B3GNT5: variants seen among roughly 807,000 people sequenced by gnomAD.
B3GNT5 encodes the protein UDP-GlcNAc:betaGal beta-1,3-N-acetylglucosaminyltransferase 5, also known as lactosylceramide 1,3-N-acetyl-beta-D-glucosaminyltransferase.
B3GNT5 carries 11 observed loss-of-function variants against 25.9 expected under a neutral mutation model. That is an observed-to-expected ratio of 0.42 (90% CI 0.27 to 0.70). The LOEUF (loss-of-function observed/expected upper bound fraction) is 0.70, where lower values mean the gene tolerates loss of function less well. B3GNT5 is among the 30% of genes least tolerant of loss of function. The pLI is 0.23. For synonymous variants in B3GNT5, 166 were observed against 158.6 expected (o/e 1.05, Z -0.35); for missense variants, 385 against 458.4 (o/e 0.84, Z 1.46).
chr3:183,260,980 C>G (rs556445620), intron 1 of B3GNT5, among the ~76,000 whole-genome samples: 1 of 152,310 alleles, frequency 6.6e-6, no homozygotes, highest in African/African-American at 2.4e-5. Flanking sequence ...CACTTGAAGA[C>G]AGCCATTAGG....
rs1726726260 is a variant in B3GNT5 at position 183,271,013 on chromosome 3, C to T, written c.*78C>T. On this transcript the variant is annotated 3_prime_UTR_variant, in exon 2 of 2. Transcript: ENST00000326505. ...AAAAACCTTTAAATGTTCGTCTATA[C>T]CCTAAGTAAAATGAGGACGAAAGAC... is the stretch of plus-strand genomic sequence containing the variant. The T allele has an allele frequency of 7.5e-7, 1 of 1,335,626 alleles. No homozygotes were observed. The allele number at this position is 1,335,626 out of a possible 1,614,324, so 82.7% of individuals were successfully genotyped here.
At chr3:183,265,584 C>G (rs1203741782) in intron 1 of B3GNT5, 2 of 152,266 alleles carry the variant, frequency 1.3e-5, no homozygotes, top group African/African-American at 4.8e-5. Context: ...TGTAATTGAT[C>G]AATTTAGATC....
At position 183,262,720 on chromosome 3, in the gene B3GNT5, G is replaced by C. The variant is rs142474175; in HGVS notation, c.-301-6778G>C. Among the ~76,000 whole-genome samples the C allele has an allele frequency of 1.3e-3, 196 of 151,556 alleles. 2 individuals carry two copies. The highest frequency in any genetic ancestry group is 4.4e-3 in the African/African-American group (182 of 41,340). The stretch of plus-strand genomic sequence containing the variant: ...GACAGGAGGTGAAGTCTTCAGGGTG[G>C]GGGGGACAGAGCCTGGGAGGGGGAG... On this transcript the variant is annotated intron_variant, in intron 1 of 1. Coordinates refer to ENST00000326505, the MANE Select transcript of B3GNT5 (RefSeq NM_032047.5).
chr3:183,267,907 A>G lies in B3GNT5; in HGVS notation c.-301-1591A>G, dbSNP rs1188877543. ...CTCCACCCCCGGCATGGTTCTTTGC[A>G]CCAACATTTGGGGAATGCCTACCAG... On this transcript the variant is annotated intron_variant, in intron 1 of 1. Coordinates refer to ENST00000326505, the MANE Select transcript of B3GNT5 (RefSeq NM_032047.5). The surrounding 1 kb of genome is among the most constrained non-coding windows in gnomAD (Gnocchi z 5.5). 2.6e-5 allele frequency among the ~76,000 whole-genome samples: 4 copies of G among 152,156 alleles called. No individual in the cohort carries two copies. The highest frequency in any genetic ancestry group is 2.6e-4 in the Admixed American group (4 of 15,280).
chr3:183,255,159 C>T (rs1339688525), intron 1 of B3GNT5, among the ~76,000 whole-genome samples: 1 of 152,070 alleles, frequency 6.6e-6, no homozygotes, highest in African/African-American at 2.4e-5. Flanking sequence ...TTGCCTGTTC[C>T]CTGTGGGGGA....
intron 1 of B3GNT5, among the ~76,000 whole-genome samples, chr3:183,260,090 C>G (rs1038562149): frequency 1.3e-5 from 2 of 152,026 alleles, no homozygotes; most frequent in Admixed American, 1.3e-4. Context: ...GTGAGGAACA[C>G]AGGGATGGGG....
intron 1 of B3GNT5, among the ~76,000 whole-genome samples, chr3:183,260,217 T>C (rs1725459399): frequency 6.6e-6 from 1 of 152,158 alleles, no homozygotes; most frequent in Non-Finnish European, 1.5e-5. Flanking sequence ...GGAGATCCTT[T>C]CTTCCTCAAA....
intron 1 of B3GNT5, among the ~76,000 whole-genome samples, chr3:183,262,700 G>A (rs1302067056): frequency 6.6e-6 from 1 of 151,254 alleles, no homozygotes; most frequent in African/African-American, 2.4e-5. Flanking sequence ...AAGCAGACAG[G>A]AGGTGAAGTC....
intron 1 of B3GNT5, chr3:183,265,213 C>T (rs1427088038): frequency 1.3e-5 from 2 of 152,220 alleles, no homozygotes; most frequent in Non-Finnish European, 2.9e-5. Context: ...CAAGGTTACA[C>T]AATAAATCTG....
chr3:183,272,068 T>C lies in B3GNT5; in HGVS notation c.*1133T>C, dbSNP rs1050050892. ...CATCAATAACTGTCAGAGGTGATCT[T>C]TATTTTCTAAATATTTCAAACTTGA... is the stretch of plus-strand genomic sequence containing the variant. On this transcript the variant is annotated 3_prime_UTR_variant, in exon 2 of 2. Coordinates refer to ENST00000326505, the MANE Select transcript of B3GNT5 (RefSeq NM_032047.5). 1.3e-6 allele frequency: 1 copy of C among 788,350 alleles called. No individual in the cohort carries two copies. 48.8% of individuals were successfully genotyped at this position (788,350 alleles called of 1,614,324 possible). A position where few individuals can be genotyped will look rare whatever the true frequency, so the allele number is the denominator to read the frequency against.
chr3:183,270,173 C>G lies in B3GNT5; in HGVS notation c.375C>G (p.Ile125Met). ...NYVRSQLNANIKTLFALGTPN... is the reference protein window; with the variant it reads ...NYVRSQLNANMKTLFALGTPN... ...TTCGGTCTCAGCTGAATGCCAACAT[C>G]AAAACTCTGTTTGCCTTAGGAACTC... Residue 125 changes from isoleucine (I) to methionine (M), a missense_variant, in exon 2 of 2, where the codon ATC becomes ATG. Ile to Met is a conservative substitution (Grantham distance 10). Coordinates refer to ENST00000326505, the MANE Select transcript of B3GNT5 (RefSeq NM_032047.5). The surrounding 1 kb of genome is among the most constrained non-coding windows in gnomAD (Gnocchi z 4.5). The G allele has an allele frequency of 6.2e-7, 1 of 1,614,140 alleles. No individual in the cohort carries two copies. The highest frequency in any genetic ancestry group is 1.1e-5 in the South Asian group (1 of 91,078).
chr3:183,260,433 G>T (rs546209416), intron 1 of B3GNT5, among the ~76,000 whole-genome samples: 12 of 152,160 alleles, frequency 7.9e-5, no homozygotes, highest in Non-Finnish European at 1.6e-4. Flanking sequence ...GCAAGAATGA[G>T]CACAGAGGGC....
In B3GNT5 at chr3:183,253,644, C is replaced by G. The variant is rs199578313; in HGVS notation, c.-302+172C>G. 3.9e-5 allele frequency: 6 copies of G among 152,444 alleles called. No homozygotes were observed. In the East Asian group the frequency reaches 9.7e-4, roughly 25 times the overall value. The allele number at this position is 152,444 out of a possible 1,614,324, so 9.4% of individuals were successfully genotyped here. ...ACCAGAAACCTTTTAACAAGACCCG[C>G]CTGAGCCTGCGTTAGAGCTCCCGCT... On this transcript the variant is annotated intron_variant, in intron 1 of 1. Coordinates refer to ENST00000326505, the MANE Select transcript of B3GNT5 (RefSeq NM_032047.5).
chr3:183,267,386 C>T lies in B3GNT5; in HGVS notation c.-301-2112C>T, dbSNP rs1576998630. On this transcript the variant is annotated intron_variant, in intron 1 of 1. Transcript: ENST00000326505. This position sits in a 1 kb window ranked among gnomAD's most constrained non-coding sequence, Gnocchi z 5.5. ...TTTACATACCTGGCCTTTGCCTCCACCCTGATGTGGAGTGATCATGGGGGT... is the reference window on the plus strand; with the variant it reads ...TTTACATACCTGGCCTTTGCCTCCATCCTGATGTGGAGTGATCATGGGGGT... 6.6e-6 allele frequency among the ~76,000 whole-genome samples: 1 copy of T among 152,350 alleles called. No individual in the cohort carries two copies. Among genetic ancestry groups the T allele is most frequent in the Non-Finnish European group, 1.5e-5 (1 of 68,040 alleles).
chr3:183,259,970 T>TGTGGGTTG (rs1725436216), intron 1 of B3GNT5, among the ~76,000 whole-genome samples: 1 of 152,076 alleles, frequency 6.6e-6, no homozygotes, highest in East Asian at 1.9e-4. Flanking sequence ...TGAAGCAAAT[T>TGTGGGTTG]CTCATCCATC....
At position 183,254,635 on chromosome 3, in the gene B3GNT5, C is replaced by A. The variant is rs1026363112; in HGVS notation, c.-302+1163C>A. The A allele has an allele frequency of 3.9e-5, 6 of 152,280 alleles. No individual in the cohort carries two copies. The Middle Eastern group carries it at 0.01, about 261-fold the overall frequency. 9.4% of individuals were successfully genotyped at this position (152,280 alleles called of 1,614,324 possible). On this transcript the variant is annotated intron_variant, in intron 1 of 1. Coordinates refer to ENST00000326505, the MANE Select transcript of B3GNT5 (RefSeq NM_032047.5). ...CGGGAGCCGCGAGGCGAACGCCGCGCCCACCAATTCGGTTGCCGGCCGGGG... is the reference window on the plus strand; with the variant it reads ...CGGGAGCCGCGAGGCGAACGCCGCGACCACCAATTCGGTTGCCGGCCGGGG...
At position 183,257,990 on chromosome 3, in the gene B3GNT5, C is replaced by G. The variant is rs1188557050; in HGVS notation, c.-302+4518C>G. ...TTTTTTTTTTTTTTTTTTTTTGAGACGGAGTCTCGCTCTGTTGCCCAGGCT... is the reference window on the plus strand; with the variant it reads ...TTTTTTTTTTTTTTTTTTTTTGAGAGGGAGTCTCGCTCTGTTGCCCAGGCT... On this transcript the variant is annotated intron_variant, in intron 1 of 1. Transcript: ENST00000326505. Among the ~76,000 whole-genome samples the G allele has an allele frequency of 3.0e-5, 2 of 65,750 alleles. 1 individual carries two copies. The highest frequency in any genetic ancestry group is 4.6e-5 in the Non-Finnish European group (2 of 43,916). 43.1% of individuals were successfully genotyped at this position (65,750 alleles called of 152,430 possible). A position where few individuals can be genotyped will look rare whatever the true frequency, so the allele number is the denominator to read the frequency against.
At chr3:183,257,058 C>T (rs770712184) in intron 1 of B3GNT5, among the ~76,000 whole-genome samples, 1 of 151,784 alleles carries the variant, frequency 6.6e-6, no homozygotes, top group Non-Finnish European at 1.5e-5. Flanking sequence ...AAGAAAAAAA[C>T]CTGAAAAAAA....
In B3GNT5 at chr3:183,270,350, A is replaced by G. The variant is rs1243879013; in HGVS notation, c.552A>G (p.Pro184=). 3.1e-6 allele frequency: 5 copies of G among 1,614,212 alleles called. No individual in the cohort carries two copies. The Admixed American group carries it at 8.3e-5, about 27-fold the overall frequency. ...MQFSWANTYC[P]HAKFLMTADD... ...TCAGTTGGGCAAATACCTATTGTCC[A>G]CATGCCAAATTTCTTATGACTGCTG... Residue 184 remains proline, a synonymous_variant, in exon 2 of 2, where the codon CCA becomes CCG. Coordinates refer to ENST00000326505, the MANE Select transcript of B3GNT5 (RefSeq NM_032047.5). This position sits in a 1 kb window ranked among gnomAD's most constrained non-coding sequence, Gnocchi z 4.5.
Sources: gnomAD v4.1 joint callset for allele counts (sites outside exome capture counted in the v4.1 genomes callset) on GRCh38, gnomAD v4.1.1 for gene constraint, Gnocchi (gnomAD v3.1) non-coding constraint, MANE v1.5 for transcripts, NCBI Gene and HGNC (gene_info 2026-07-23, HGNC 2026-07-21) for gene names.